The following RORB variants were observed in gnomAD, a reference collection of about 807,000 sequenced individuals.
RORB encodes the protein RAR related orphan receptor B.
In RORB, 6 loss-of-function variants were observed where a neutral mutation model predicts 59.1. The observed-to-expected ratio is 0.10, with a 90% CI of 0.06 to 0.20. The LOEUF (loss-of-function observed/expected upper bound fraction) is 0.20, where lower values mean the gene tolerates loss of function less well. RORB is among the 10% of genes least tolerant of loss of function. The pLI is 1.00. For synonymous variants in RORB, 215 were observed against 204.5 expected (o/e 1.05, Z -0.44); for missense variants, 320 against 560.5 (o/e 0.57, Z 4.33).
At chr9:74,602,947 C>A (rs1190639664) in intron 1 of RORB, among the ~76,000 whole-genome samples, 1 of 152,160 alleles carries the variant, frequency 6.6e-6, no homozygotes, top group East Asian at 1.9e-4. Context: ...GGATAACTAG[C>A]TCATGTAACT....
chr9:74,667,804 A>T lies in RORB; in HGVS notation c.1014A>T (p.Leu338=). 1 of 1,608,916 alleles carries T rather than the reference A, an allele frequency of 6.2e-7. No homozygotes were observed. Among genetic ancestry groups the T allele is most frequent in the Non-Finnish European group, 8.5e-7 (1 of 1,175,282 alleles). The part of the protein sequence containing the change: ...QMFKALGSDD[L]VNEAFDFAKN... ...CTTCCTTTATAGGTTCTGATGACCTAGTGAATGAAGCATTTGACTTTGCAA... is the reference window on the plus strand; with the variant it reads ...CTTCCTTTATAGGTTCTGATGACCTTGTGAATGAAGCATTTGACTTTGCAA... The change falls in exon 8 of 10, where the codon CTA becomes CTT. Residue 338 remains leucine, a synonymous_variant. Coordinates refer to ENST00000376896, the MANE Select transcript of RORB (RefSeq NM_006914.4).
chr9:74,660,702 C>G lies in RORB; in HGVS notation c.723C>G (p.Thr241=), dbSNP rs957849516. ...MEELHQLAWQ[T]HTYEEIKAYQ... is the part of the protein sequence containing the mutation. ...AGCTGCACCAGCTGGCGTGGCAGACCCACACCTATGAAGAAATTAAAGCAT... is the reference window on the plus strand; with the variant it reads ...AGCTGCACCAGCTGGCGTGGCAGACGCACACCTATGAAGAAATTAAAGCAT... Residue 241 remains threonine, a synonymous_variant, in exon 5 of 10, where the codon ACC becomes ACG. Transcript: ENST00000376896. 1 of 1,613,530 alleles carries G rather than the reference C, an allele frequency of 6.2e-7. No homozygotes were observed. Among genetic ancestry groups the G allele is most frequent in the African/African-American group, 1.3e-5 (1 of 74,860 alleles).
At chr9:74,610,944 A>C (rs1326821529) in intron 1 of RORB, among the ~76,000 whole-genome samples, 5 of 152,156 alleles carry the variant, frequency 3.3e-5, no homozygotes, top group African/African-American at 1.2e-4. Context: ...TACACTTTTC[A>C]AGAACCTCCG....
intron 1 of RORB, among the ~76,000 whole-genome samples, chr9:74,594,984 TA>T (rs1382893278): frequency 6.6e-6 from 1 of 152,164 alleles, no homozygotes; most frequent in African/African-American, 2.4e-5. Flanking sequence ...TGTCCCTTTT[TA>T]GTGGATGATA....
At chr9:74,591,795 T>C (rs2118290046) in intron 1 of RORB, among the ~76,000 whole-genome samples, 1 of 152,296 alleles carries the variant, frequency 6.6e-6, no homozygotes, top group East Asian at 1.9e-4. Flanking sequence ...TTTTATTTAT[T>C]AATGTACAAC....
At chr9:74,571,441 G>A (rs1457074969) in intron 1 of RORB, among the ~76,000 whole-genome samples, 1 of 150,970 alleles carries the variant, frequency 6.6e-6, no homozygotes, top group Non-Finnish European at 1.5e-5. Flanking sequence ...ACTAGAGTTG[G>A]GGAACAGTTG....
chr9:74,647,127 G>T (rs775068822), intron 4 of RORB, among the ~76,000 whole-genome samples: 6 of 152,186 alleles, frequency 3.9e-5, no homozygotes, highest in Admixed American at 1.3e-4. Context: ...AGTATTAACT[G>T]GGTTTAGCTG....
intron 1 of RORB, among the ~76,000 whole-genome samples, chr9:74,581,053 T>A (rs558349696): frequency 2.6e-5 from 4 of 152,260 alleles, no homozygotes; most frequent in African/African-American, 9.6e-5. Flanking sequence ...TCCTGAGTAG[T>A]CTCTGAACTT....
At chr9:74,519,906 C>A in intron 1 of RORB, among the ~76,000 whole-genome samples, 1 of 152,038 alleles carries the variant, frequency 6.6e-6, no homozygotes, top group African/African-American at 2.4e-5. Flanking sequence ...CATTTCACAG[C>A]AATTTCTAAG....
At chr9:74,656,585 A>G (rs1824085751) in intron 4 of RORB, among the ~76,000 whole-genome samples, 1 of 152,046 alleles carries the variant, frequency 6.6e-6, no homozygotes, top group Non-Finnish European at 1.5e-5. Context: ...AAAATACAAA[A>G]ATTAGCCAGG....
rs538668691 is a variant in RORB at position 74,583,250 on chromosome 9, C to G, written c.8-47032C>G. Among the ~76,000 whole-genome samples, 47 of 152,186 alleles carry G rather than the reference C, an allele frequency of 3.1e-4. 1 individual carries two copies. Among genetic ancestry groups the G allele is most frequent in the African/African-American group, 1.0e-3 (43 of 41,528 alleles). ...AGATGGTTATAAAGCAGCAGCTAGA[C>G]TAAAGAAGAACTGCCACGTACCCAG... is the stretch of plus-strand genomic sequence containing the variant. On this transcript the variant is annotated intron_variant, in intron 1 of 9. Transcript: ENST00000376896.
At chr9:74,538,665 C>T (rs978147871) in intron 1 of RORB, among the ~76,000 whole-genome samples, 2 of 147,508 alleles carry the variant, frequency 1.4e-5, no homozygotes, top group Non-Finnish European at 3.0e-5. Flanking sequence ...CATGTATGTA[C>T]AGATTATACC....
chr9:74,559,733 A>T (rs1351383582), intron 1 of RORB, among the ~76,000 whole-genome samples: 1 of 152,168 alleles, frequency 6.6e-6, no homozygotes, highest in African/African-American at 2.4e-5. Flanking sequence ...TACCAAAGAG[A>T]TGAATGCACC....
At chr9:74,507,856 TCA>T (rs1825889922) in intron 1 of RORB, among the ~76,000 whole-genome samples, 1 of 152,054 alleles carries the variant, frequency 6.6e-6, no homozygotes, top group South Asian at 2.1e-4. Flanking sequence ...TTCCAAATTT[TCA>T]CAGTTGTTGA....
chr9:74,657,831 CCT>C (rs1824109358), intron 4 of RORB, among the ~76,000 whole-genome samples: 1 of 151,692 alleles, frequency 6.6e-6, no homozygotes, highest in South Asian at 2.1e-4. Flanking sequence ...GTGAGGAAAC[CCT>C]GTCTCTACTA....
chr9:74,592,887 G>A (rs1456903145), intron 1 of RORB, among the ~76,000 whole-genome samples: 4 of 151,490 alleles, frequency 2.6e-5, no homozygotes, highest in South Asian at 2.1e-4. Context: ...GCACACACAC[G>A]CACTATTCAG....
intron 1 of RORB, chr9:74,615,786 T>C (rs992450122): frequency 6.9e-6 from 2 of 289,442 alleles, no homozygotes; most frequent in African/African-American, 2.2e-5. Context: ...CAGGAATGTA[T>C]ATAATAAAAC....
At chr9:74,523,522 A>C (rs1302527452) in intron 1 of RORB, among the ~76,000 whole-genome samples, 1 of 151,936 alleles carries the variant, frequency 6.6e-6, no homozygotes, top group African/African-American at 2.4e-5. Context: ...TTTACAAGCC[A>C]TGGATCTGAT....
chr9:74,631,532 T>C (rs1035916397), intron 2 of RORB, among the ~76,000 whole-genome samples: 1 of 152,180 alleles, frequency 6.6e-6, no homozygotes, highest in African/African-American at 2.4e-5. Flanking sequence ...AACTGTCAAA[T>C]ACTGGTACTG....
Sources: gnomAD v4.1 joint callset for allele counts (sites outside exome capture counted in the v4.1 genomes callset) on GRCh38, gnomAD v4.1.1 for gene constraint, MANE v1.5 for transcripts, NCBI Gene and HGNC (gene_info 2026-07-23, HGNC 2026-07-21) for gene names.